The following RBFOX1 variants were observed in gnomAD, a reference collection of about 807,000 sequenced individuals.
The protein encoded by RBFOX1 is RNA binding protein fox-1 homolog 1.
A neutral mutation model predicts 57.7 loss-of-function variants in RBFOX1; 8 were observed. That is an observed-to-expected ratio of 0.14 (90% CI 0.08 to 0.25). RBFOX1 has a LOEUF of 0.25. Among genes scored for constraint, RBFOX1 ranks in the 10% least tolerant of loss-of-function variants. RBFOX1 has a pLI of 1.00. For missense variants in RBFOX1, 611 were observed against 548.5 expected (o/e 1.11, Z -1.14); for synonymous variants, 326 against 222.4 (o/e 1.47, Z -4.15).
intron 4 of RBFOX1, among the ~76,000 whole-genome samples, chr16:7,343,539 C>T (rs1020481250): frequency 6.6e-6 from 1 of 152,178 alleles, no homozygotes; most frequent in Non-Finnish European, 1.5e-5. Context: ...CCGTCATATT[C>T]TTGGAAGCAA....
At chr16:5,898,259 C>A (rs1222543919) in intron 4 of RBFOX1, among the ~76,000 whole-genome samples, 1 of 152,140 alleles carries the variant, frequency 6.6e-6, no homozygotes, top group African/African-American at 2.4e-5. Context: ...CAGGTCCCTT[C>A]CATGACACGT....
At chr16:5,559,971 T>G (rs1194544462) in intron 2 of RBFOX1, among the ~76,000 whole-genome samples, 1 of 152,196 alleles carries the variant, frequency 6.6e-6, no homozygotes, top group Non-Finnish European at 1.5e-5. Flanking sequence ...GATGATCTTG[T>G]TGATATTCTA....
At chr16:5,690,908 G>T (rs1046259817) in intron 3 of RBFOX1, among the ~76,000 whole-genome samples, 1 of 152,058 alleles carries the variant, frequency 6.6e-6, no homozygotes, top group Non-Finnish European at 1.5e-5. Context: ...TGGGGGAACT[G>T]CTCATTCCCA....
At chr16:7,361,166 C>T (rs1410575694) in intron 4 of RBFOX1, among the ~76,000 whole-genome samples, 1 of 152,186 alleles carries the variant, frequency 6.6e-6, no homozygotes, top group African/African-American at 2.4e-5. Flanking sequence ...CAAGCTTCTG[C>T]TCCTAACCTG....
intron 4 of RBFOX1, among the ~76,000 whole-genome samples, chr16:5,870,867 TC>T (rs532323770): frequency 6.2e-4 from 94 of 151,508 alleles, no homozygotes; most frequent in Admixed American, 6.1e-3. Context: ...TGACTTTCTT[TC>T]CCCCCCACCC....
chr16:7,129,497 A>G (rs1331454861), intron 4 of RBFOX1, among the ~76,000 whole-genome samples: 2 of 152,180 alleles, frequency 1.3e-5, no homozygotes, highest in African/African-American at 4.8e-5. Flanking sequence ...GCAATTGGGT[A>G]AATTTCAAGG....
intron 1 of RBFOX1, among the ~76,000 whole-genome samples, chr16:6,059,539 TG>T (rs1271903028): frequency 6.6e-6 from 1 of 152,184 alleles, no homozygotes; most frequent in Non-Finnish European, 1.5e-5. Context: ...TGAAAATTAG[TG>T]TTTTAAAGGG....
intron 4 of RBFOX1, among the ~76,000 whole-genome samples, chr16:6,009,816 C>CTCTGTGTGTGTGTG (rs1555469438): frequency 1.3e-5 from 2 of 148,418 alleles, no homozygotes; most frequent in South Asian, 4.3e-4. Flanking sequence ...GTGTGTGTGT[C>CTCTGTGTGTGTGTG]TGTGTGTGTG....
At chr16:5,973,449 A>G (rs1158212897) in intron 4 of RBFOX1, among the ~76,000 whole-genome samples, 1 of 152,242 alleles carries the variant, frequency 6.6e-6, no homozygotes, top group Non-Finnish European at 1.5e-5. Flanking sequence ...GCACAAAGCC[A>G]GAGTTCCCTT....
intron 2 of RBFOX1, among the ~76,000 whole-genome samples, chr16:6,489,199 T>A (rs2153124715): frequency 6.6e-6 from 1 of 152,340 alleles, no homozygotes; most frequent in Non-Finnish European, 1.5e-5. Flanking sequence ...AAGAGAAATG[T>A]AACGTCACTA....
At position 5,471,974 on chromosome 16, in the gene RBFOX1, C is replaced by G. The variant is rs373497364; in HGVS notation, c.258+4720C>G. Among the ~76,000 whole-genome samples, 9 of 152,260 alleles carry G rather than the reference C, an allele frequency of 5.9e-5. No homozygotes were observed. In the East Asian group the frequency reaches 1.7e-3, roughly 29 times the overall value. On this transcript the variant is annotated intron_variant, in intron 2 of 2. Transcript: ENST00000585867. ...AGTGTGGGTCCTTGTGTCACCTCCC[C>G]GACAGATGAAAGCAGGCAGGCTGTT...
chr16:7,504,332 A>C (rs769588897), intron 4 of RBFOX1, among the ~76,000 whole-genome samples: 4 of 152,044 alleles, frequency 2.6e-5, no homozygotes, highest in Non-Finnish European at 5.9e-5. Context: ...ATTATCAAGA[A>C]TGTTATAAGT....
chr16:5,463,645 C>G (rs2068861219), intron 1 of RBFOX1, among the ~76,000 whole-genome samples: 1 of 151,682 alleles, frequency 6.6e-6, no homozygotes, highest in Non-Finnish European at 1.5e-5. Flanking sequence ...ACTAAAAATA[C>G]AAAAATTAGC....
chr16:5,938,182 T>A (rs2152260611), intron 4 of RBFOX1, among the ~76,000 whole-genome samples: 1 of 152,300 alleles, frequency 6.6e-6, no homozygotes, highest in East Asian at 1.9e-4. Flanking sequence ...ATACTCCTTC[T>A]GGAATATTCT....
chr16:6,524,491 C>G (rs2096552119), intron 2 of RBFOX1, among the ~76,000 whole-genome samples: 1 of 152,122 alleles, frequency 6.6e-6, no homozygotes, highest in Non-Finnish European at 1.5e-5. Context: ...TTCCATGTTA[C>G]CTCGTTAGAC....
intron 3 of RBFOX1, among the ~76,000 whole-genome samples, chr16:6,838,577 C>A (rs1019768574): frequency 6.6e-6 from 1 of 152,206 alleles, no homozygotes; most frequent in African/African-American, 2.4e-5. Context: ...AGGTAGTCCT[C>A]TTCTGCTGCC....
intron 1 of RBFOX1, among the ~76,000 whole-genome samples, chr16:6,292,362 C>A (rs1309405935): frequency 1.3e-5 from 2 of 149,526 alleles, no homozygotes; most frequent in Non-Finnish European, 3.0e-5. Context: ...GGAAACAGTT[C>A]CACAGATTTT....
chr16:5,446,197 A>T (rs1167835814), intron 1 of RBFOX1, among the ~76,000 whole-genome samples: 1 of 152,172 alleles, frequency 6.6e-6, no homozygotes, highest in Non-Finnish European at 1.5e-5. Flanking sequence ...GGAGTCTAGA[A>T]ACTGACACCC....
intron 1 of RBFOX1, among the ~76,000 whole-genome samples, chr16:5,279,292 T>C: frequency 6.6e-6 from 1 of 151,950 alleles, no homozygotes; most frequent in Admixed American, 6.6e-5. Flanking sequence ...GTCGAGGTTT[T>C]TTGTTTTTGT....
Sources: gnomAD v4.1 joint callset for allele counts (sites outside exome capture counted in the v4.1 genomes callset) on GRCh38, gnomAD v4.1.1 for gene constraint, MANE v1.5 for transcripts, NCBI Gene and HGNC (gene_info 2026-07-23, HGNC 2026-07-21) for gene names.